Variants in NHSL2 observed in about 807,000 individuals in gnomAD.
NHSL2 encodes the protein NHS-like protein 2.
Under a neutral mutation model 53.4 loss-of-function variants are expected in NHSL2, and 27 were observed. The ratio of observed to expected loss-of-function variants is 0.51; its 90% CI spans 0.37 to 0.70. The LOEUF (loss-of-function observed/expected upper bound fraction) is 0.70, where lower values mean the gene tolerates loss of function less well. NHSL2 is among the 30% of genes least tolerant of loss of function. The pLI is 0.00. For synonymous variants in NHSL2, 408 were observed against 404.1 expected (o/e 1.01, Z -0.12); for missense variants, 892 against 980.1 (o/e 0.91, Z 1.20).
At chrX:71,916,089 C>T (rs146005966) in intron 1 of NHSL2, among the ~76,000 whole-genome samples, 35 of 111,680 alleles carry the variant, frequency 3.1e-4, no homozygotes, top group African/African-American at 9.4e-4. Context: ...GGGTGGCTGG[C>T]CAGTGACCCT....
In NHSL2 at chrX:72,139,118, C is replaced by G; in HGVS notation, c.1570C>G (p.Leu524Val). ...EEQKANEACA[L>V]PFASTSSEGS... ...GCAGAAGGCCAATGAGGCCTGTGCC[C>G]TGCCTTTTGCCAGTACGAGCTCTGA... is the stretch of plus-strand genomic sequence containing the variant. The change falls in exon 6 of 8, where the codon CTG (leucine) becomes GTG (valine). Residue 524 changes from leucine (L) to valine (V), a missense_variant. Coordinates refer to ENST00000633930, the MANE Select transcript of NHSL2 (RefSeq NM_001013627.3). 1 of 1,171,043 alleles carries G rather than the reference C, an allele frequency of 8.5e-7. No individual in the cohort carries two copies. The highest frequency in any genetic ancestry group is 1.1e-6 in the Non-Finnish European group (1 of 874,356).
At chrX:72,013,981 A>G (rs1368538428) in intron 1 of NHSL2, among the ~76,000 whole-genome samples, 1 of 111,843 alleles carries the variant, frequency 8.9e-6, no homozygotes, top group Non-Finnish European at 1.9e-5. Context: ...TAAAATTATG[A>G]ATTTCATGTT....
intron 1 of NHSL2, among the ~76,000 whole-genome samples, chrX:71,957,818 T>C (rs1158963734): frequency 2.7e-5 from 3 of 110,492 alleles, no homozygotes; most frequent in African/African-American, 9.9e-5. Context: ...TCAAGCACTG[T>C]AGGGGGTACA....
chrX:72,006,062 A>C (rs1180191892), intron 1 of NHSL2, among the ~76,000 whole-genome samples: 9 of 111,810 alleles, frequency 8.0e-5, no homozygotes. Context: ...AGTAGGCCCC[A>C]GTGGTATCTC....
At chrX:72,053,126 G>A (rs1171309058) in intron 1 of NHSL2, among the ~76,000 whole-genome samples, 4 of 112,282 alleles carry the variant, frequency 3.6e-5, no homozygotes, top group African/African-American at 6.5e-5. Flanking sequence ...ATAATGACCA[G>A]AATTGAATGT....
At chrX:71,967,073 G>A (rs2041904107) in intron 1 of NHSL2, among the ~76,000 whole-genome samples, 1 of 111,614 alleles carries the variant, frequency 9.0e-6, no homozygotes, top group Admixed American at 9.5e-5. Flanking sequence ...TGAATTTGTG[G>A]GCATAGAGTT....
At chrX:72,075,527 A>C (rs757725783) in intron 1 of NHSL2, among the ~76,000 whole-genome samples, 2 of 112,182 alleles carry the variant, frequency 1.8e-5, no homozygotes, top group Non-Finnish European at 3.8e-5. Flanking sequence ...ATGGGAAATC[A>C]TCAAGAAAAT....
intron 5 of NHSL2, among the ~76,000 whole-genome samples, chrX:72,138,175 G>A (rs950273012): frequency 1.8e-5 from 2 of 111,681 alleles, no homozygotes; most frequent in Non-Finnish European, 3.8e-5. Context: ...AATCCCACGT[G>A]ACACTTCAGC....
intron 1 of NHSL2, among the ~76,000 whole-genome samples, chrX:71,946,486 G>T (rs963571724): frequency 1.8e-5 from 2 of 111,612 alleles, no homozygotes; most frequent in African/African-American, 6.5e-5. Flanking sequence ...GTGCCAGGCC[G>T]AGGACCAAGC....
chrX:71,919,458 C>G (rs1602258881), intron 1 of NHSL2, among the ~76,000 whole-genome samples: 1 of 112,056 alleles, frequency 8.9e-6, no homozygotes, highest in East Asian at 2.8e-4. Context: ...TGCTGAAATC[C>G]CTGGATGGGG....
At position 72,132,155 on chromosome X, in the gene NHSL2, G is replaced by A. The variant is rs766325945; in HGVS notation, c.357G>A (p.Val119=). Reference sequence around the variant, plus strand: ...CGTCATGGCGACAGCCAGTGAACGTGTTCCTCTCCTCGGGCAGGCCCCCGA... The same window carrying A: ...CGTCATGGCGACAGCCAGTGAACGTATTCCTCTCCTCGGGCAGGCCCCCGA... The part of the protein sequence containing the change: ...SRSSWRQPVN[V]FLSSGRPPSV... Residue 119 remains valine, a synonymous_variant, in exon 2 of 8, where the codon GTG becomes GTA. Transcript: ENST00000633930. The A allele has an allele frequency of 2.2e-5, 26 of 1,165,325 alleles. 1 individual carries two copies. The African/African-American group carries it at 3.2e-4, about 14-fold the overall frequency.
At chrX:72,032,090 A>G (rs1404010229) in intron 1 of NHSL2, among the ~76,000 whole-genome samples, 1 of 13,688 alleles carries the variant, frequency 7.3e-5, no homozygotes, top group African/African-American at 8.2e-5. Context: ...CCACTGAAGT[A>G]AAAAAAAAAA....
intron 1 of NHSL2, among the ~76,000 whole-genome samples, chrX:71,959,859 T>C (rs1259421795): frequency 8.9e-6 from 1 of 112,382 alleles, no homozygotes; most frequent in Admixed American, 9.4e-5. Flanking sequence ...CCATGTTTTG[T>C]TTACCCATTC....
At chrX:72,027,086 C>T (rs773674627) in intron 1 of NHSL2, among the ~76,000 whole-genome samples, 8 of 112,070 alleles carry the variant, frequency 7.1e-5, no homozygotes, top group Non-Finnish European at 1.3e-4. Context: ...AGACAGGATT[C>T]CCTGTCCAGT....
At chrX:72,019,167 G>A (rs2042148746) in intron 1 of NHSL2, among the ~76,000 whole-genome samples, 1 of 112,591 alleles carries the variant, frequency 8.9e-6, no homozygotes, top group Admixed American at 9.3e-5. Context: ...CTGAGGTGAT[G>A]GAGGTTACGA....
At position 72,013,271 on chromosome X, in the gene NHSL2, TTAAG is replaced by T. The variant is rs200966362; in HGVS notation, c.280+101907_280+101910del. ...TATACATATCTTGTTACATTTACAC[TTAAG>T]TATTTTGTTCTTGAGCAAGTGTAAA... On this transcript the variant is annotated intron_variant, in intron 1 of 7. Coordinates refer to ENST00000633930, the MANE Select transcript of NHSL2 (RefSeq NM_001013627.3). Among the ~76,000 whole-genome samples the T allele has an allele frequency of 7.7e-3, 866 of 112,451 alleles. 4 individuals carry two copies. The highest frequency in any genetic ancestry group is 0.02 in the Admixed American group (217 of 10,633).
chrX:71,938,983 G>A (rs1398408855), intron 1 of NHSL2, among the ~76,000 whole-genome samples: 1 of 112,525 alleles, frequency 8.9e-6, no homozygotes, highest in Non-Finnish European at 1.9e-5. Flanking sequence ...TCTAGTGGGG[G>A]AAGAAAATGA....
chrX:72,047,614 T>G (rs1172046060), intron 1 of NHSL2, among the ~76,000 whole-genome samples: 2 of 111,908 alleles, frequency 1.8e-5, no homozygotes, highest in Non-Finnish European at 3.8e-5. Context: ...CTCCCTAAAT[T>G]GGGTTCCAGG....
intron 1 of NHSL2, among the ~76,000 whole-genome samples, chrX:72,102,112 C>T (rs190714016): frequency 6.2e-5 from 7 of 112,570 alleles, no homozygotes; most frequent in South Asian, 3.6e-4. Context: ...TTCTCTTGGA[C>T]GGATAAATGC....
Sources: gnomAD v4.1 joint callset for allele counts (sites outside exome capture counted in the v4.1 genomes callset) on GRCh38, gnomAD v4.1.1 for gene constraint, MANE v1.5 for transcripts, NCBI Gene and HGNC (gene_info 2026-07-23, HGNC 2026-07-21) for gene names.